Variants in KIF17 observed in about 807,000 individuals in gnomAD.
KIF17 encodes the protein kinesin-like protein KIF17.
A neutral mutation model predicts 96.8 loss-of-function variants in KIF17; 80 were observed. The observed-to-expected ratio is 0.83, with a 90% CI of 0.69 to 1.00. The LOEUF (loss-of-function observed/expected upper bound fraction) is 1.00. Ranked by LOEUF, KIF17 falls within the 50% of genes least tolerant of loss-of-function variation. The probability of loss-of-function intolerance (pLI) is 0.00; values close to 1 mark genes in which losing one functional copy is unlikely to be tolerated. For synonymous variants in KIF17, 567 were observed against 587.5 expected (o/e 0.97, Z 0.51); for missense variants, 1,280 against 1,372.9 (o/e 0.93, Z 1.07).
intron 7 of KIF17, 21 bp downstream of exon 7, chr1:20,690,167 C>T (rs767162840): frequency 9.3e-6 from 15 of 1,613,910 alleles, no homozygotes; most frequent in East Asian, 2.2e-5. Flanking sequence ...GAGACAGCCT[C>T]GGGGGGCAAG....
chr1:20,711,975 C>A (rs775727518), intron 3 of KIF17, among the ~76,000 whole-genome samples: 1 of 152,118 alleles, frequency 6.6e-6, no homozygotes, highest in African/African-American at 2.4e-5. Flanking sequence ...ACATCCTCCA[C>A]GAGGGAGCGT....
chr1:20,663,546 G>C (rs1478274877), downstream of KIF17, among the ~76,000 whole-genome samples: 1 of 152,222 alleles, frequency 6.6e-6, no homozygotes, highest in African/African-American at 2.4e-5. Context: ...AGTGAAATGA[G>C]GTTCCAGGAC....
chr1:20,679,145 C>G (rs1190900595), intron 11 of KIF17, among the ~76,000 whole-genome samples: 1 of 152,022 alleles, frequency 6.6e-6, no homozygotes, highest in African/African-American at 2.4e-5. Context: ...AACCCCTTCT[C>G]TACAAAACAA....
In KIF17 at chr1:20,684,784, G is replaced by A. The variant is rs61778497; in HGVS notation, c.2231+25C>T. 6.1e-3 allele frequency: 9,516 copies of A among 1,551,278 alleles called. 33 individuals carry two copies. Among genetic ancestry groups the A allele is most frequent in the Non-Finnish European group, 7.6e-3 (8,759 of 1,148,320 alleles). ...CCTTCCCACCTCACCGTGGGGTCCC[G>A]CCAGCCCCATGCTCTGCTGCTTACC... On this transcript the variant is annotated intron_variant, in intron 10 of 14. Transcript: ENST00000400463.
At chr1:20,662,042 C>T (rs1185201819), downstream of KIF17, among the ~76,000 whole-genome samples, 2 of 152,250 alleles carry the variant, frequency 1.3e-5, no homozygotes, top group African/African-American at 4.8e-5. Context: ...AGCCGTTACC[C>T]GGGCATTGCA....
rs34232864 is a variant in KIF17, at chr1:20,672,015, C to T, written c.2645G>A (p.Arg882His). The T allele has an allele frequency of 1.1e-3, 1,739 of 1,614,150 alleles. 12 individuals carry two copies. The African/African-American group carries it at 0.016, about 15-fold the overall frequency. The change falls in exon 12 of 15, where the codon CGT becomes CAT. Residue 882 changes from arginine (R) to histidine (H), a missense_variant. Transcript: ENST00000400463. This position sits in a 1 kb window ranked among gnomAD's most constrained non-coding sequence, Gnocchi z 4.3. ...GTTATCTTCGTCCCAGCAGGACTCA[C>T]GCAGAATCTTCTCCAGGTTGCTGTA... ...CNYSNLEKIL[R>H]ESCWDEDNGF... is the part of the protein sequence containing the mutation.
rs1428053947 is a variant in KIF17 at position 20,700,369 on chromosome 1, C to A, written c.1124-1881G>T. 1.3e-5 allele frequency among the ~76,000 whole-genome samples: 2 copies of A among 152,164 alleles called. No homozygotes were observed. Among genetic ancestry groups the A allele is most frequent in the African/African-American group, 4.8e-5 (2 of 41,426 alleles). ...TACAGGCGTGAACCACTGCGCCCGG[C>A]CAGGCTGTAGCCAGTTTTGAAGGTG... is the stretch of plus-strand genomic sequence containing the variant. On this transcript the variant is annotated intron_variant, in intron 5 of 14. Coordinates refer to ENST00000400463, the MANE Select transcript of KIF17 (RefSeq NM_001122819.3). The surrounding 1 kb of genome is among the most constrained non-coding windows in gnomAD (Gnocchi z 4.6).
intron 4 of KIF17, among the ~76,000 whole-genome samples, chr1:20,706,042 G>A (rs1441659927): frequency 6.6e-6 from 1 of 151,444 alleles, no homozygotes; most frequent in East Asian, 2.0e-4. Context: ...CCGAGTAGCT[G>A]GGACTGAAGG....
rs774638949 is a variant in KIF17, at chr1:20,685,020, C to T, written c.2020G>A (p.Glu674Lys). ...GCCACTTCCGAGGCCAGATCTACCTCCTGAGTGTGAAGAGAAACCCAGGTG... is the reference window on the plus strand; with the variant it reads ...GCCACTTCCGAGGCCAGATCTACCTTCTGAGTGTGAAGAGAAACCCAGGTG... ...EAADDFPPRP[E>K]VDLASEVALE... Residue 674 changes from glutamate to lysine, a missense_variant and splice_region_variant, in exon 10 of 15, where the codon GAG becomes AAG. Coordinates refer to ENST00000400463, the MANE Select transcript of KIF17 (RefSeq NM_001122819.3). The surrounding 1 kb of genome is among the most constrained non-coding windows in gnomAD (Gnocchi z 4.1). The T allele has an allele frequency of 1.6e-5, 26 of 1,586,924 alleles. No homozygotes were observed. The Middle Eastern group carries it at 1.2e-3, about 71-fold the overall frequency.
In KIF17 at chr1:20,672,025, T is replaced by C. The variant is rs1314896182; in HGVS notation, c.2635A>G (p.Lys879Glu). ...TCCCAGCAGGACTCACGCAGAATCTTCTCCAGGTTGCTGTAGTTACAGTCC... is the reference window on the plus strand; with the variant it reads ...TCCCAGCAGGACTCACGCAGAATCTCCTCCAGGTTGCTGTAGTTACAGTCC... ...RRDCNYSNLE[K>E]ILRESCWDED... is the part of the protein sequence containing the mutation. The change falls in exon 12 of 15, where the codon AAG becomes GAG. Residue 879 changes from lysine (K) to glutamate (E), a missense_variant. By Grantham distance (56) the Lys-to-Glu change is moderately conservative. Transcript: ENST00000400463. This position sits in a 1 kb window ranked among gnomAD's most constrained non-coding sequence, Gnocchi z 4.3. The C allele has an allele frequency of 6.2e-7, 1 of 1,613,996 alleles. No homozygotes were observed. The highest frequency in any genetic ancestry group is 1.3e-5 in the African/African-American group (1 of 74,920).
chr1:20,698,117 C>T (rs768797112), intron 6 of KIF17, among the ~76,000 whole-genome samples: 22 of 152,234 alleles, frequency 1.4e-4, no homozygotes, highest in Admixed American at 8.5e-4. Flanking sequence ...CACCTCCACA[C>T]CCCTCTGTTC....
In KIF17 at chr1:20,686,045, C is replaced by CCA; in HGVS notation, c.2019_2019+1insTG (p.Glu674TrpfsTer3). The CCA allele has an allele frequency of 6.4e-7, 1 of 1,554,530 alleles. No individual in the cohort carries two copies. Among genetic ancestry groups the CCA allele is most frequent in the South Asian group, 1.2e-5 (1 of 84,270 alleles). Reference sequence around the variant, plus strand: ...ACATGGAGGCCCGGGGAGGTACTCACAGGCCTGGGCGGGAAGTCATCAGCC... The same window carrying CCA: ...ACATGGAGGCCCGGGGAGGTACTCACCAAGGCCTGGGCGGGAAGTCATCAGCC... On this transcript the variant is annotated frameshift_variant and splice_region_variant. Transcript: ENST00000400463. LOFTEE classifies it high-confidence loss of function.
chr1:20,696,972 A>G (rs2154536731), intron 6 of KIF17, among the ~76,000 whole-genome samples: 2 of 152,306 alleles, frequency 1.3e-5, no homozygotes, highest in African/African-American at 4.8e-5. Flanking sequence ...CGAGCTCCAG[A>G]GCCTGCAGGG....
downstream of KIF17, among the ~76,000 whole-genome samples, chr1:20,663,637 G>T (rs186649475): frequency 1.5e-3 from 230 of 152,272 alleles, no homozygotes; most frequent in African/African-American, 5.2e-3. Context: ...CAAGGGGAAG[G>T]CTGTGTCCTA....
At chr1:20,690,448 A>T in intron 6 of KIF17, 113 bp from the exon 7 acceptor site, 1 of 941,442 alleles carries the variant, frequency 1.1e-6, no homozygotes, top group Non-Finnish European at 1.6e-6. Flanking sequence ...TAAGTAAGCC[A>T]AGAGAATCCA....
chr1:20,686,082 G>C lies in KIF17; in HGVS notation c.1983C>G (p.Pro661=), dbSNP rs479323. ...TDLLEPSDAR[P]EAEAADDFPP... ...GGAAGTCATCAGCCGCCTCGGCTTC[G>C]GGCCTGGCATCACTGGGCTCCAGCA... is the stretch of plus-strand genomic sequence containing the variant. Residue 661 remains proline (P), a synonymous_variant, in exon 9 of 15, where the codon CCC becomes CCG. Coordinates refer to ENST00000400463, the MANE Select transcript of KIF17 (RefSeq NM_001122819.3). 7 of 1,564,382 alleles carry C rather than the reference G, an allele frequency of 4.5e-6. No homozygotes were observed. The highest frequency in any genetic ancestry group is 6.1e-6 in the Non-Finnish European group (7 of 1,154,258).
At chr1:20,673,163 A>T (rs974293842) in intron 11 of KIF17, 6 of 152,042 alleles carry the variant, frequency 3.9e-5, no homozygotes, top group Admixed American at 1.3e-4. Flanking sequence ...GGTGAAGGTG[A>T]AGATCACACC....
intron 3 of KIF17, among the ~76,000 whole-genome samples, chr1:20,712,944 C>A (rs1386080280): frequency 1.8e-5 from 2 of 113,422 alleles, no homozygotes; most frequent in African/African-American, 3.6e-5. Flanking sequence ...ATAATATTAT[C>A]TATATTATCT....
chr1:20,689,449 G>A (rs1020876131), intron 7 of KIF17, among the ~76,000 whole-genome samples: 15 of 152,234 alleles, frequency 9.9e-5, no homozygotes, highest in East Asian at 1.9e-4. Context: ...CCAGGAGTTC[G>A]AGACCAGCCT....
Sources: allele counts gnomAD v4.1 joint callset (sites outside exome capture counted in the v4.1 genomes callset), GRCh38; gene constraint gnomAD v4.1.1; non-coding constraint Gnocchi (gnomAD v3.1); transcripts MANE v1.5; gene names NCBI Gene and HGNC (gene_info 2026-07-23, HGNC 2026-07-21).